FAT4: variants seen among roughly 807,000 people sequenced by gnomAD.
FAT4 encodes protocadherin Fat 4.
Under a neutral mutation model 303.9 loss-of-function variants are expected in FAT4, and 84 were observed. The ratio of observed to expected loss-of-function variants is 0.28; its 90% CI spans 0.23 to 0.33. The LOEUF (loss-of-function observed/expected upper bound fraction) is 0.33. Among genes scored for constraint, FAT4 ranks in the 10% least tolerant of loss-of-function variants. The probability of loss-of-function intolerance (pLI) is 1.00; values close to 1 mark genes in which losing one functional copy is unlikely to be tolerated. For synonymous variants in FAT4, 2,307 were observed against 2,298.8 expected, an observed-to-expected ratio of 1.00 and a Z score of -0.10; for missense variants, 6,005 against 6,146.8, an observed-to-expected ratio of 0.98 and a Z score of 0.77.
At chr4:125,470,305 A>G (rs1358930283) in intron 12 of FAT4, among the ~76,000 whole-genome samples, 1 of 152,192 alleles carries the variant, frequency 6.6e-6, no homozygotes, top group African/African-American at 2.4e-5. Flanking sequence ...TAATATGGAA[A>G]AGGAGCACTG....
chr4:125,383,451 T>C (rs1733614957), intron 2 of FAT4, among the ~76,000 whole-genome samples: 1 of 152,150 alleles, frequency 6.6e-6, no homozygotes, highest in South Asian at 2.1e-4. Context: ...CAGTTCACTG[T>C]CTTATATGGG....
intron 7 of FAT4, among the ~76,000 whole-genome samples, chr4:125,424,227 T>A (rs1725006385): frequency 6.6e-6 from 1 of 152,112 alleles, no homozygotes; most frequent in South Asian, 2.1e-4. Flanking sequence ...GTTCCCTTAA[T>A]CCCCATGTGT....
rs1228659786 is a variant in FAT4 at position 125,481,607 on chromosome 4, T to C, written c.12691T>C (p.Leu4231=). ...TCAGAATGAGAAGCGGGAATATTTG[T>C]TAAGGCAAAGCTTACGAGGTGCCAT... ...MSQNEKREYL[L]RQSLRGAMLE... is the part of the protein sequence containing the mutation. Residue 4231 remains leucine (L), a synonymous_variant, in exon 16 of 18, where the codon TTA becomes CTA. Coordinates refer to ENST00000394329, the MANE Select transcript of FAT4 (RefSeq NM_001291303.3). 1 of 1,613,996 alleles carries C rather than the reference T, an allele frequency of 6.2e-7. No individual in the cohort carries two copies. Among genetic ancestry groups the C allele is most frequent in the Non-Finnish European group, 8.5e-7 (1 of 1,179,972 alleles).
intron 16 of FAT4, among the ~76,000 whole-genome samples, chr4:125,483,068 A>C (rs1727284969): frequency 6.6e-6 from 1 of 152,196 alleles, no homozygotes. Flanking sequence ...ACAAAGAGTT[A>C]TCTGGCCCCA....
chr4:125,453,150 G>A (rs987903985), intron 10 of FAT4, among the ~76,000 whole-genome samples: 3 of 152,038 alleles, frequency 2.0e-5, no homozygotes, highest in East Asian at 1.9e-4. Flanking sequence ...GAACTTAAGT[G>A]CTTAATCTCG....
rs1044096829 is a variant in FAT4 at position 125,445,486 on chromosome 4, CTA to C, written c.7200-805_7200-804del. Among the ~76,000 whole-genome samples the C allele has an allele frequency of 7.9e-5, 12 of 152,206 alleles. No individual in the cohort carries two copies. The East Asian group carries it at 2.1e-3, about 27-fold the overall frequency. The stretch of plus-strand genomic sequence containing the variant: ...ACTTTTAAAGATATCTATTTCCATG[CTA>C]TCTTTCAACTTTAAAAATTACGGAC... On this transcript the variant is annotated intron_variant, in intron 8 of 17. Coordinates refer to ENST00000394329, the MANE Select transcript of FAT4 (RefSeq NM_001291303.3).
At chr4:125,332,043 T>G (rs1279281978) in intron 2 of FAT4, among the ~76,000 whole-genome samples, 1 of 152,166 alleles carries the variant, frequency 6.6e-6, no homozygotes, top group African/African-American at 2.4e-5. Context: ...AATGGCACTC[T>G]ATAAAGTTTA....
chr4:125,453,713 A>G lies in FAT4; in HGVS notation c.11800+903A>G, dbSNP rs1335233878. Among the ~76,000 whole-genome samples, 2 of 152,136 alleles carry G rather than the reference A, an allele frequency of 1.3e-5. 1 individual carries two copies. Among genetic ancestry groups the G allele is most frequent in the Non-Finnish European group, 2.9e-5 (2 of 68,014 alleles). On this transcript the variant is annotated intron_variant, in intron 10 of 17. Coordinates refer to ENST00000394329, the MANE Select transcript of FAT4 (RefSeq NM_001291303.3). ...GAGCAAGACTCTGTCTTAAAAAAAA[A>G]AAAAAAATGGTGTGTTATTCCTAAT... is the stretch of plus-strand genomic sequence containing the variant.
In FAT4 at chr4:125,415,383, T is replaced by G. The variant is rs1310508936; in HGVS notation, c.6420T>G (p.Val2140=). Residue 2140 remains valine, a synonymous_variant, in exon 6 of 18, where the codon GTT becomes GTG. Transcript: ENST00000394329. The part of the protein sequence containing the change: ...GQPSLSSSTE[V]VVMVLDINDN... ...CATCTCTCTCTTCATCTACAGAGGT[T>G]GTAGTTATGGTACTTGACATCAATG... The G allele has an allele frequency of 6.2e-7, 1 of 1,614,076 alleles. No individual in the cohort carries two copies.
chr4:125,466,007 C>G (rs1217631707), intron 11 of FAT4, among the ~76,000 whole-genome samples: 1 of 152,190 alleles, frequency 6.6e-6, no homozygotes. Flanking sequence ...GTTACACTTG[C>G]ATCCTTTAAA....
chr4:125,398,697 G>A, intron 2 of FAT4, 87 bp from the exon 3 acceptor site: 1 of 1,354,234 alleles, frequency 7.4e-7, no homozygotes. Flanking sequence ...TGGCAGTCTT[G>A]ATTGCGTGGA....
intron 5 of FAT4, among the ~76,000 whole-genome samples, chr4:125,412,392 AT>A (rs1479392652): frequency 6.6e-6 from 1 of 151,882 alleles, no homozygotes; most frequent in Non-Finnish European, 1.5e-5. Flanking sequence ...TTATGTAAAA[AT>A]AGTTATATTT....
chr4:125,338,713 T>C (rs1376130118), intron 2 of FAT4, among the ~76,000 whole-genome samples: 3 of 152,124 alleles, frequency 2.0e-5, no homozygotes, highest in African/African-American at 7.2e-5. Flanking sequence ...CTCAACACAA[T>C]TGAGATTATT....
Position 125,451,443 on chromosome 4 carries a change from A to G in FAT4, c.10433A>G (p.Tyr3478Cys), listed in dbSNP as rs1315737995. The change falls in exon 10 of 18, where the codon TAT becomes TGT. Residue 3478 changes from tyrosine (Y) to cysteine (C), a missense_variant. Tyr to Cys is a radical substitution (Grantham distance 194). Coordinates refer to ENST00000394329, the MANE Select transcript of FAT4 (RefSeq NM_001291303.3). ...TTAGATCGAGAAACCCTTCCCATCT[A>G]TAATCTCTCAGTTTTGGCTGTTGAT... The part of the protein sequence containing the change: ...AELDRETLPI[Y>C]NLSVLAVDSG... 5 of 1,614,038 alleles carry G rather than the reference A, an allele frequency of 3.1e-6. No individual in the cohort carries two copies. Among genetic ancestry groups the G allele is most frequent in the Non-Finnish European group, 4.2e-6 (5 of 1,180,028 alleles).
chr4:125,441,544 C>G (rs1578647141), intron 8 of FAT4, among the ~76,000 whole-genome samples: 2 of 152,072 alleles, frequency 1.3e-5, no homozygotes, highest in African/African-American at 4.8e-5. Context: ...AAAAACATGC[C>G]TAGTTATATT....
chr4:125,449,233 T>C lies in FAT4; in HGVS notation c.8223T>C (p.Tyr2741=), dbSNP rs1456033231. ...RPLDREKVSH[Y]VLTIKSSDKG... ...TGGACAGGGAAAAAGTATCTCATTATGTCCTAACCATAAAATCATCAGACA... is the reference window on the plus strand; with the variant it reads ...TGGACAGGGAAAAAGTATCTCATTACGTCCTAACCATAAAATCATCAGACA... The change falls in exon 10 of 18, where the codon TAT becomes TAC. Residue 2741 remains tyrosine, a synonymous_variant. Coordinates refer to ENST00000394329, the MANE Select transcript of FAT4 (RefSeq NM_001291303.3). 2 of 1,614,012 alleles carry C rather than the reference T, an allele frequency of 1.2e-6. No homozygotes were observed. Among genetic ancestry groups the C allele is most frequent in the Admixed American group, 1.7e-5 (1 of 59,996 alleles).
intron 2 of FAT4, among the ~76,000 whole-genome samples, chr4:125,397,461 G>A (rs1341756665): frequency 6.6e-6 from 1 of 152,008 alleles, no homozygotes; most frequent in Non-Finnish European, 1.5e-5. Context: ...TAAAGGAAAT[G>A]GTGTCGAGAA....
chr4:125,491,436 C>G lies in FAT4; in HGVS notation c.14620C>G (p.Gln4874Glu). 6.2e-7 allele frequency: 1 copy of G among 1,614,112 alleles called. No homozygotes were observed. The highest frequency in any genetic ancestry group is 1.1e-5 in the South Asian group (1 of 91,082). The change falls in exon 18 of 18, where the codon CAA becomes GAA. Residue 4874 changes from glutamine (Q) to glutamate (E), a missense_variant. Coordinates refer to ENST00000394329, the MANE Select transcript of FAT4 (RefSeq NM_001291303.3). The stretch of plus-strand genomic sequence containing the variant: ...TACTTCCAGAATGCCCAAATTATCT[C>G]AAGTCAATGAATCTGATGCAGATGA... ...VYTSRMPKLS[Q>E]VNESDADDED... is the part of the protein sequence containing the mutation.
intron 2 of FAT4, among the ~76,000 whole-genome samples, chr4:125,394,293 T>G (rs976497250): frequency 6.6e-6 from 1 of 152,222 alleles, no homozygotes; most frequent in Admixed American, 6.5e-5. Context: ...GAAGAGAAAC[T>G]TCTGAGTTTG....
Sources: allele counts gnomAD v4.1 joint callset (sites outside exome capture counted in the v4.1 genomes callset), GRCh38; gene constraint gnomAD v4.1.1; transcripts MANE v1.5; gene names NCBI Gene and HGNC (gene_info 2026-07-23, HGNC 2026-07-21).